Variants in KMT2E observed in about 807,000 individuals in gnomAD.
The protein encoded by KMT2E is histone reader KMT2E.
In KMT2E, 30 loss-of-function variants were observed where a neutral mutation model predicts 184.6. The observed-to-expected ratio is 0.16, with a 90% CI of 0.12 to 0.22. KMT2E has a LOEUF of 0.22. Among genes scored for constraint, KMT2E ranks in the 10% least tolerant of loss-of-function variants. The pLI, the probability that KMT2E is intolerant of heterozygous loss-of-function variation, is 1.00. For synonymous variants in KMT2E, 815 were observed against 776.5 expected (o/e 1.05, Z -0.82); for missense variants, 2,023 against 2,237.4 (o/e 0.90, Z 1.93).
At position 105,101,493 on chromosome 7, in the gene KMT2E, A is replaced by G; in HGVS notation, c.1791A>G (p.Arg597=). Residue 597 remains arginine (R), a synonymous_variant, in exon 16 of 27, where the codon AGA becomes AGG. Transcript: ENST00000311117. ...CCAGACTTGAAAAGAGAGAGAAAAG[A>G]AGAGAACAAGCTTTGGAAAGGATCA... is the stretch of plus-strand genomic sequence containing the variant. ...AFARLEKREK[R]REQALERIST... 8 of 1,593,598 alleles carry G rather than the reference A, an allele frequency of 5.0e-6. No homozygotes were observed. Among genetic ancestry groups the G allele is most frequent in the Non-Finnish European group, 6.8e-6 (8 of 1,172,724 alleles).
chr7:105,036,115 ATTAT>A (rs552893124), intron 1 of KMT2E, among the ~76,000 whole-genome samples: 21 of 147,600 alleles, frequency 1.4e-4, no homozygotes, highest in African/African-American at 5.0e-4. Context: ...TAAATTCTAG[ATTAT>A]TTATTTTACC....
chr7:105,015,209 C>T (rs2129563618), intron 1 of KMT2E, among the ~76,000 whole-genome samples: 1 of 152,274 alleles, frequency 6.6e-6, no homozygotes, highest in East Asian at 1.9e-4. Flanking sequence ...GCCTTAGGAT[C>T]TACAATATGG....
intron 1 of KMT2E, among the ~76,000 whole-genome samples, chr7:105,031,980 G>C (rs1795438903): frequency 7.1e-6 from 1 of 140,072 alleles, no homozygotes; most frequent in Non-Finnish European, 1.5e-5. Context: ...AGGCGGGATA[G>C]TCTCTTGAAC....
chr7:105,018,561 T>C (rs546535337), intron 1 of KMT2E, among the ~76,000 whole-genome samples: 1 of 152,280 alleles, frequency 6.6e-6, no homozygotes, highest in Admixed American at 6.5e-5. Flanking sequence ...TGAGACTTGT[T>C]TCCCCCAATT....
intron 1 of KMT2E, among the ~76,000 whole-genome samples, chr7:105,031,042 C>G (rs933636917): frequency 5.3e-5 from 8 of 152,096 alleles, no homozygotes; most frequent in African/African-American, 1.9e-4. Context: ...AGTGAGGACA[C>G]TGTTTTACTT....
chr7:105,029,103 A>G (rs940316978), intron 1 of KMT2E, among the ~76,000 whole-genome samples: 12 of 152,024 alleles, frequency 7.9e-5, no homozygotes, highest in Admixed American at 1.3e-4. Context: ...CGTCTCTACT[A>G]AAATACAAAA....
intron 3 of KMT2E, among the ~76,000 whole-genome samples, chr7:105,043,582 A>G (rs964785814): frequency 6.6e-6 from 1 of 152,278 alleles, no homozygotes; most frequent in East Asian, 1.9e-4. Flanking sequence ...GGCTTAGGTG[A>G]TAATTTGTGA....
intron 3 of KMT2E, among the ~76,000 whole-genome samples, chr7:105,058,241 C>G (rs1796651414): frequency 6.6e-6 from 1 of 151,928 alleles, no homozygotes; most frequent in Non-Finnish European, 1.5e-5. Flanking sequence ...TTCTATTTTT[C>G]TTTTCAGTAT....
intron 5 of KMT2E, among the ~76,000 whole-genome samples, chr7:105,065,249 G>A (rs767421867): frequency 1.7e-4 from 26 of 152,232 alleles, no homozygotes; most frequent in Non-Finnish European, 3.4e-4. Flanking sequence ...CCACAGCTCT[G>A]ATTATTTATT....
At chr7:105,046,213 T>C (rs1796095902) in intron 3 of KMT2E, among the ~76,000 whole-genome samples, 1 of 152,192 alleles carries the variant, frequency 6.6e-6, no homozygotes, top group Non-Finnish European at 1.5e-5. Context: ...AGCCGTCTTA[T>C]TCATATATTC....
chr7:105,022,063 A>G (rs892056482), intron 1 of KMT2E, among the ~76,000 whole-genome samples: 1 of 152,096 alleles, frequency 6.6e-6, no homozygotes, highest in Admixed American at 6.6e-5. Context: ...TTTCATTGCC[A>G]GTAGTACTAG....
In KMT2E at chr7:105,112,217, A is replaced by G. The variant is rs947745585; in HGVS notation, c.4461A>G (p.Gln1487=). The G allele has an allele frequency of 6.2e-7, 1 of 1,614,012 alleles. No homozygotes were observed. The highest frequency in any genetic ancestry group is 1.3e-5 in the African/African-American group (1 of 74,902). The part of the protein sequence containing the change: ...PYRPHHSQSP[Q]VGTPQREPQR... ...GGCCTCATCATTCACAGTCACCTCAAGTTGGAACACCTCAGCGAGAGCCTC... is the reference window on the plus strand; with the variant it reads ...GGCCTCATCATTCACAGTCACCTCAGGTTGGAACACCTCAGCGAGAGCCTC... The change falls in exon 27 of 27, where the codon CAA becomes CAG. Residue 1487 remains glutamine, a synonymous_variant. Coordinates refer to ENST00000311117, the MANE Select transcript of KMT2E (RefSeq NM_182931.3).
In KMT2E at chr7:105,014,446, G is replaced by C. The variant is rs1340150375; in HGVS notation, c.-278G>C. 6.5e-6 allele frequency: 1 copy of C among 153,664 alleles called. No homozygotes were observed. Among genetic ancestry groups the C allele is most frequent in the Non-Finnish European group, 1.4e-5 (1 of 69,000 alleles). The allele number at this position is 153,664 out of a possible 1,614,324, so 9.5% of individuals were successfully genotyped here. A position where few individuals can be genotyped will look rare whatever the true frequency, so the allele number is the denominator to read the frequency against. On this transcript the variant is annotated 5_prime_UTR_variant, in exon 1 of 27. Coordinates refer to ENST00000311117, the MANE Select transcript of KMT2E (RefSeq NM_182931.3). ...TCCTGTGTCCGCAGTGGCTGCTGTC[G>C]GGGGGTCGCCTGTTCGCGGAGGTGC...
At chr7:105,032,457 C>T (rs924009225) in intron 1 of KMT2E, among the ~76,000 whole-genome samples, 2 of 152,076 alleles carry the variant, frequency 1.3e-5, no homozygotes, top group African/African-American at 2.4e-5. Context: ...AAAAAAAAAG[C>T]GTTTGCAGGA....
chr7:105,036,846 A>C (rs989657577), intron 1 of KMT2E, among the ~76,000 whole-genome samples: 5 of 152,028 alleles, frequency 3.3e-5, no homozygotes, highest in Admixed American at 3.3e-4. Flanking sequence ...GATTATTTGG[A>C]ATAATCTGTT....
intron 13 of KMT2E, among the ~76,000 whole-genome samples, chr7:105,086,923 A>C (rs1242006149): frequency 6.8e-6 from 1 of 147,038 alleles, no homozygotes; most frequent in Non-Finnish European, 1.5e-5. Flanking sequence ...TAGCATATAT[A>C]TGCTACATAT....
chr7:105,060,411 G>GT (rs780592111), intron 3 of KMT2E, among the ~76,000 whole-genome samples: 25 of 151,462 alleles, frequency 1.7e-4, no homozygotes, highest in Non-Finnish European at 2.9e-4. Flanking sequence ...CTTTTTTATT[G>GT]TTTTTTTACT....
intron 1 of KMT2E, among the ~76,000 whole-genome samples, chr7:105,016,736 T>C (rs1332480139): frequency 1.3e-5 from 2 of 152,212 alleles, no homozygotes; most frequent in Admixed American, 1.3e-4. Flanking sequence ...TTCAATCCAG[T>C]AGTACTTTAA....
chr7:105,107,036 GGAAATAA>G (rs1798929988), intron 20 of KMT2E, 123 bp from the exon 21 acceptor site: 1 of 643,924 alleles, frequency 1.6e-6, no homozygotes, highest in African/African-American at 1.8e-5. Context: ...TTTGGGGAAT[GGAAATAA>G]ACAGGAAACA....
Sources: allele counts gnomAD v4.1 joint callset (sites outside exome capture counted in the v4.1 genomes callset), GRCh38; gene constraint gnomAD v4.1.1; transcripts MANE v1.5; gene names NCBI Gene and HGNC (gene_info 2026-07-23, HGNC 2026-07-21).